The following OTUD7A variants were observed in gnomAD, a reference collection of about 807,000 sequenced individuals.
The protein encoded by OTUD7A is OTU deubiquitinase 7A, also known as OTU domain-containing protein 7A.
Under a neutral mutation model 65.7 loss-of-function variants are expected in OTUD7A, and 12 were observed. The ratio of observed to expected loss-of-function variants is 0.18; its 90% CI spans 0.12 to 0.30. The LOEUF is 0.30. OTUD7A is among the 10% of genes least tolerant of loss of function. The pLI, the probability that OTUD7A is intolerant of heterozygous loss-of-function variation, is 1.00. For missense variants in OTUD7A, 1,148 were observed against 1,304.8 expected (o/e 0.88, Z 1.85); for synonymous variants, 641 against 586.3 (o/e 1.09, Z -1.35).
chr15:31,868,110 C>A (rs1436005434), intron 1 of OTUD7A, among the ~76,000 whole-genome samples: 1 of 152,212 alleles, frequency 6.6e-6, no homozygotes, highest in Non-Finnish European at 1.5e-5. Context: ...CCAAAGGGAA[C>A]AGAAAGAAAA....
At chr15:31,563,988 A>G (rs1888780963) in intron 4 of OTUD7A, among the ~76,000 whole-genome samples, 1 of 152,208 alleles carries the variant, frequency 6.6e-6, no homozygotes, top group South Asian at 2.1e-4. Context: ...AAAGGCAACA[A>G]AGTACTGGCC....
rs528971242 is a variant in OTUD7A at position 31,792,387 on chromosome 15, T to G, written c.-100+78120A>C. 7.9e-5 allele frequency among the ~76,000 whole-genome samples: 12 copies of G among 152,298 alleles called. No homozygotes were observed. In the South Asian group the frequency reaches 2.5e-3, roughly 32 times the overall value. On this transcript the variant is annotated intron_variant, in intron 1 of 12. Transcript: ENST00000307050. ...CATTTGGGCCAAAACCCATACTCCA[T>G]GGCCAGGCTCACAGGACCTCCACCT... is the stretch of plus-strand genomic sequence containing the variant.
At chr15:31,810,434 T>C (rs1040514703) in intron 1 of OTUD7A, among the ~76,000 whole-genome samples, 2 of 152,078 alleles carry the variant, frequency 1.3e-5, no homozygotes, top group Non-Finnish European at 2.9e-5. Context: ...ACCAATAGGG[T>C]TTGTGTCCAT....
intron 8 of OTUD7A, among the ~76,000 whole-genome samples, chr15:31,507,814 GATTGGTGCA>G (rs1242883060): frequency 6.6e-6 from 1 of 152,174 alleles, no homozygotes; most frequent in African/African-American, 2.4e-5. Context: ...ACAGAGTGCT[GATTGGTGCA>G]TTTTACAATC....
At chr15:31,704,032 T>C (rs1348347714) in intron 1 of OTUD7A, among the ~76,000 whole-genome samples, 8 of 132,848 alleles carry the variant, frequency 6.0e-5, no homozygotes, top group Non-Finnish European at 1.3e-4. Context: ...GGAGACAGAT[T>C]AATGGTTGCC....
intron 8 of OTUD7A, among the ~76,000 whole-genome samples, chr15:31,516,737 A>G (rs74010687): frequency 0.096 from 14,666 of 152,230 alleles, 956 homozygotes; most frequent in African/African-American, 0.19. Context: ...ACATTTGCCC[A>G]TGAACTTAAA....
At chr15:31,680,655 C>A (rs1456450143) in intron 1 of OTUD7A, among the ~76,000 whole-genome samples, 2 of 152,240 alleles carry the variant, frequency 1.3e-5, no homozygotes, top group East Asian at 3.9e-4. Flanking sequence ...CCCCTGCTCA[C>A]ATAATAAACC....
At chr15:31,781,683 G>C (rs1342834826) in intron 1 of OTUD7A, among the ~76,000 whole-genome samples, 14 of 152,122 alleles carry the variant, frequency 9.2e-5, no homozygotes, top group Admixed American at 9.2e-4. Flanking sequence ...CATAGTGATT[G>C]CAGCCTCAGG....
At chr15:31,492,582 CAA>C (rs60414638) in intron 10 of OTUD7A, among the ~76,000 whole-genome samples, 34,822 of 121,278 alleles carry the variant, frequency 0.29, 3,572 homozygotes, top group Non-Finnish European at 0.3. Context: ...GACTCTGTCT[CAA>C]AAAAAAAAAA....
At chr15:31,842,152 G>T (rs187484846) in intron 1 of OTUD7A, among the ~76,000 whole-genome samples, 141 of 152,372 alleles carry the variant, frequency 9.3e-4, no homozygotes, top group African/African-American at 3.3e-3. Context: ...CATGCATCCT[G>T]CATGGTCCCA....
chr15:31,719,255 T>C (rs1893672181), intron 1 of OTUD7A, among the ~76,000 whole-genome samples: 1 of 152,078 alleles, frequency 6.6e-6, no homozygotes, highest in South Asian at 2.1e-4. Context: ...TGCATTATGT[T>C]TGAAATCCCT....
chr15:31,522,693 C>A (rs2041954259), intron 8 of OTUD7A, among the ~76,000 whole-genome samples: 1 of 152,156 alleles, frequency 6.6e-6, no homozygotes, highest in Non-Finnish European at 1.5e-5. Flanking sequence ...CCTCACTAAT[C>A]CCTCCCCAAG....
intron 1 of OTUD7A, among the ~76,000 whole-genome samples, chr15:31,821,295 C>A (rs1896676879): frequency 6.8e-6 from 1 of 147,368 alleles, no homozygotes; most frequent in Non-Finnish European, 1.5e-5. Flanking sequence ...GCCACCACGC[C>A]CAGGTACCTT....
At chr15:31,601,427 C>T (rs568312120) in intron 3 of OTUD7A, among the ~76,000 whole-genome samples, 79 of 152,214 alleles carry the variant, frequency 5.2e-4, no homozygotes, top group African/African-American at 1.4e-3. Context: ...ACAGACGCAA[C>T]GTACCAGAAT....
rs142136024 is a variant in OTUD7A at position 31,585,115 on chromosome 15, C to T, written c.152-14918G>A. Among the ~76,000 whole-genome samples, 137 of 152,162 alleles carry T rather than the reference C, an allele frequency of 9.0e-4. 1 individual carries two copies. In the East Asian group the frequency reaches 0.012, roughly 14 times the overall value. ...GAAGAAGAGTAAAATTAGCAGGGCA[C>T]GATGTTACTGCTGTTGCTTGCTGGT... On this transcript the variant is annotated intron_variant, in intron 3 of 12. Transcript: ENST00000307050.
chr15:31,482,923 G>GA lies in OTUD7A; in HGVS notation c.*370dup, dbSNP rs5811646. The GA allele has an allele frequency of 0.041, 5,844 of 141,510 alleles. 198 individuals are homozygous for GA. The highest frequency in any genetic ancestry group is 0.1 in the African/African-American group (3,846 of 38,062). 8.8% of individuals were successfully genotyped at this position (141,510 alleles called of 1,614,324 possible). On this transcript the variant is annotated 3_prime_UTR_variant, in exon 13 of 13. Transcript: ENST00000307050. Reference sequence around the variant, plus strand: ...GGAAGAGGTCATCGCTAGGGTAGGAGAAAAAAAAAAAAGCAAAAAAAGCAT... The same window carrying GA: ...GGAAGAGGTCATCGCTAGGGTAGGAGAAAAAAAAAAAAAGCAAAAAAAGCAT...
intron 8 of OTUD7A, among the ~76,000 whole-genome samples, chr15:31,511,117 A>G (rs1258562490): frequency 5.6e-5 from 2 of 35,678 alleles, no homozygotes; most frequent in Non-Finnish European, 9.3e-5. Context: ...TATGTAACAT[A>G]CATATGTATA....
chr15:31,772,268 A>T (rs914364114), intron 1 of OTUD7A, among the ~76,000 whole-genome samples: 1 of 152,030 alleles, frequency 6.6e-6, no homozygotes, highest in East Asian at 1.9e-4. Flanking sequence ...AAAAAAAAAA[A>T]AAATATTTTA....
chr15:31,727,414 C>G (rs1163199133), intron 1 of OTUD7A, among the ~76,000 whole-genome samples: 1 of 77,384 alleles, frequency 1.3e-5, no homozygotes, highest in Non-Finnish European at 3.2e-5. Context: ...TCTCCATCCA[C>G]CCTCCTTTTT....
Sources: allele counts gnomAD v4.1 joint callset (sites outside exome capture counted in the v4.1 genomes callset), GRCh38; gene constraint gnomAD v4.1.1; transcripts MANE v1.5; gene names NCBI Gene and HGNC (gene_info 2026-07-23, HGNC 2026-07-21).